TARS2: variants seen among roughly 807,000 people sequenced by gnomAD.
TARS2 encodes the protein threonyl-tRNA synthetase 2, mitochondrial, also known as threonine--tRNA ligase, mitochondrial.
In TARS2, 61 loss-of-function variants were observed where a neutral mutation model predicts 94.4. The observed-to-expected ratio is 0.65, with a 90% CI of 0.53 to 0.80. TARS2 has a LOEUF of 0.80. Ranked by LOEUF, TARS2 falls within the 30% of genes least tolerant of loss-of-function variation. TARS2 has a pLI of 0.00. For missense variants in TARS2, 704 were observed against 902.5 expected (o/e 0.78, Z 2.82); for synonymous variants, 359 against 353.4 (o/e 1.02, Z -0.18).
intron 13 of TARS2, among the ~76,000 whole-genome samples, chr1:150,502,561 T>C (rs1047315026): frequency 1.3e-5 from 2 of 151,640 alleles, no homozygotes; most frequent in Admixed American, 1.3e-4. Flanking sequence ...ATTTTTGTAT[T>C]CCCTTTTTTA....
chr1:150,494,821 A>G (rs1669580077), intron 7 of TARS2, among the ~76,000 whole-genome samples: 1 of 152,100 alleles, frequency 6.6e-6, no homozygotes, highest in Non-Finnish European at 1.5e-5. Flanking sequence ...GTGAATCACG[A>G]GGTCCAGAGA....
At chr1:150,502,220 T>C (rs1324145889) in intron 13 of TARS2, among the ~76,000 whole-genome samples, 1 of 122,332 alleles carries the variant, frequency 8.2e-6, no homozygotes, top group Non-Finnish European at 1.8e-5. Context: ...CCAGCGTTTT[T>C]TTCGTTTTTG....
chr1:150,488,787 C>T (rs1253644814), intron 2 of TARS2, among the ~76,000 whole-genome samples, 177 bp from the exon 3 acceptor site: 1 of 152,150 alleles, frequency 6.6e-6, no homozygotes, highest in African/African-American at 2.4e-5. Flanking sequence ...ACCCATTAGC[C>T]AACCTCTTCA....
chr1:150,496,729 A>G (rs1570850093), intron 8 of TARS2, 81 bp from the exon 9 acceptor site: 1 of 1,606,096 alleles, frequency 6.2e-7, no homozygotes, highest in East Asian at 2.2e-5. Context: ...ACACAGACTG[A>G]GCAGCTCCGT....
At chr1:150,495,968 C>A (rs1403570803) in intron 7 of TARS2, among the ~76,000 whole-genome samples, 2 of 152,076 alleles carry the variant, frequency 1.3e-5, no homozygotes, top group African/African-American at 4.8e-5. Context: ...GATCCGCCCG[C>A]CTCGGCCTCC....
chr1:150,487,452 TG>T lies in TARS2; in HGVS notation c.4del (p.Ala2?). 1.2e-6 allele frequency: 2 copies of T among 1,614,208 alleles called. No homozygotes were observed. The highest frequency in any genetic ancestry group is 1.7e-6 in the Non-Finnish European group (2 of 1,180,046). On this transcript the variant is annotated frameshift_variant and start_lost, in exon 1 of 18. Coordinates refer to ENST00000369064, the MANE Select transcript of TARS2 (RefSeq NM_025150.5). LOFTEE classifies it high-confidence loss of function. [M>X]ALYQRWRCLR... Reference sequence around the variant, plus strand: ...ATGTAGGCACTGGTGTGAAGGAACATGGCCCTGTATCAGAGGTGGCGGTGTC... The same window carrying T: ...ATGTAGGCACTGGTGTGAAGGAACATGCCCTGTATCAGAGGTGGCGGTGTC...
chr1:150,498,989 A>T lies in TARS2; in HGVS notation c.1494A>T (p.Pro498=). 2 of 1,614,180 alleles carry T rather than the reference A, an allele frequency of 1.2e-6. No individual in the cohort carries two copies. Among genetic ancestry groups the T allele is most frequent in the Non-Finnish European group, 1.7e-6 (2 of 1,180,034 alleles). The change falls in exon 12 of 18, where the codon CCA becomes CCT. Residue 498 remains proline, a synonymous_variant. Transcript: ENST00000369064. ...TCCGCCTGGCACTGTCCACCCGGCCATCTGGCTTCCTGGGGGACCCTTGCC... is the reference window on the plus strand; with the variant it reads ...TCCGCCTGGCACTGTCCACCCGGCCTTCTGGCTTCCTGGGGGACCCTTGCC... ...FSFRLALSTR[P]SGFLGDPCLW...
At position 150,491,419 on chromosome 1, in the gene TARS2, G is replaced by T; in HGVS notation, c.538G>T (p.Val180Phe). Reference sequence around the variant, plus strand: ...GACAATCCGGGGCTCAGAGCTGCCTGTTTTGGAGCGGATTTGCCAGGAACT... The same window carrying T: ...GACAATCCGGGGCTCAGAGCTGCCTTTTTTGGAGCGGATTTGCCAGGAACT... ...ERTIRGSELP[V>F]LERICQELTA... The change falls in exon 5 of 18, where the codon GTT becomes TTT. Residue 180 changes from valine (V) to phenylalanine (F), a missense_variant. Physicochemically the swap from Val to Phe is conservative, Grantham distance 50. Around this residue, in one of 3 missense-constraint regions of TARS2, gnomAD observed 208 missense variants for 228.5 expected, o/e 0.91. Transcript: ENST00000369064. 6.2e-7 allele frequency: 1 copy of T among 1,613,340 alleles called. No homozygotes were observed. The highest frequency in any genetic ancestry group is 1.3e-5 in the African/African-American group (1 of 75,030).
In TARS2 at chr1:150,487,847, T is replaced by G; in HGVS notation, c.67-11T>G. 1 of 1,610,082 alleles carries G rather than the reference T, an allele frequency of 6.2e-7. No individual in the cohort carries two copies. Among genetic ancestry groups the G allele is most frequent in the African/African-American group, 1.3e-5 (1 of 74,858 alleles). ...GACGTGTGTTACCTGCTAATATATC[T>G]TTCCCTCCAGGCAGTTGTGTCGACC... On this transcript the variant is annotated splice_polypyrimidine_tract_variant and intron_variant, in intron 1 of 17. Transcript: ENST00000369064.
At position 150,505,817 on chromosome 1, in the gene TARS2, C is replaced by T. The variant is rs1468477468; in HGVS notation, c.2008+112C>T. On this transcript the variant is annotated intron_variant, in intron 17 of 17. Coordinates refer to ENST00000369064, the MANE Select transcript of TARS2 (RefSeq NM_025150.5). Reference sequence around the variant, plus strand: ...GGTTAATTGGGGCTCATTACCTGAGCAGGTAGGAGCCAGGATTCAGGACAC... The same window carrying T: ...GGTTAATTGGGGCTCATTACCTGAGTAGGTAGGAGCCAGGATTCAGGACAC... The T allele has an allele frequency of 5.3e-6, 5 of 951,722 alleles. No individual in the cohort carries two copies. In the East Asian group the frequency reaches 1.3e-4, roughly 25 times the overall value. 59.0% of individuals were successfully genotyped at this position (951,722 alleles called of 1,614,324 possible).
intron 13 of TARS2, among the ~76,000 whole-genome samples, chr1:150,499,687 T>G (rs1669825443): frequency 6.6e-6 from 1 of 152,034 alleles, no homozygotes; most frequent in African/African-American, 2.4e-5. Context: ...TTTTTAAACT[T>G]ACGTAGGATA....
Position 150,498,619 on chromosome 1 carries a change from G to T in TARS2, c.1356G>T (p.Arg452=). 2 of 1,612,680 alleles carry T rather than the reference G, an allele frequency of 1.2e-6. No homozygotes were observed. Residue 452 remains arginine (R), a synonymous_variant, in exon 11 of 18, where the codon CGG becomes CGT. Transcript: ENST00000369064. ...SGGLGGLTRL[R]CFQQDDAHIF... The stretch of plus-strand genomic sequence containing the variant: ...GTCTGGGGGGACTGACCCGACTGCG[G>T]TGCTTCCAGCAGGATGACGCTCACA...
chr1:150,498,441 G>A, intron 10 of TARS2, 61 bp from the exon 11 acceptor site: 1 of 1,502,776 alleles, frequency 6.7e-7, no homozygotes, highest in Non-Finnish European at 8.8e-7. Flanking sequence ...ATTGGGTGGA[G>A]GAGCAGTCTT....
rs149175704 is a variant in TARS2, at chr1:150,506,429, G to A, written c.2009-487G>A. ...TGGGGGGAGGCGGGGCAGTGTGAAGGCCACACCACTCCTGCCACCTTCCAC... is the reference window on the plus strand; with the variant it reads ...TGGGGGGAGGCGGGGCAGTGTGAAGACCACACCACTCCTGCCACCTTCCAC... On this transcript the variant is annotated intron_variant, in intron 17 of 17. Coordinates refer to ENST00000369064, the MANE Select transcript of TARS2 (RefSeq NM_025150.5). 4.7e-3 allele frequency among the ~76,000 whole-genome samples: 717 copies of A among 151,294 alleles called. 5 individuals carry two copies. The highest frequency in any genetic ancestry group is 0.016 in the African/African-American group (678 of 41,134).
At position 150,491,402 on chromosome 1, in the gene TARS2, G is replaced by C; in HGVS notation, c.521G>C (p.Arg174Pro). Residue 174 changes from arginine (R) to proline (P), a missense_variant, in exon 5 of 18, where the codon CGG (arginine) becomes CCG (proline). Transcript: ENST00000369064. ...DFFLGKERTI[R>P]GSELPVLERI... ...AATTCTCCTCTTTCCAGGACAATCC[G>C]GGGCTCAGAGCTGCCTGTTTTGGAG... The C allele has an allele frequency of 6.2e-7, 1 of 1,612,764 alleles. No individual in the cohort carries two copies. The highest frequency in any genetic ancestry group is 8.5e-7 in the Non-Finnish European group (1 of 1,180,030).
At position 150,504,612 on chromosome 1, in the gene TARS2, C is replaced by T. The variant is rs587730315; in HGVS notation, c.1719-20C>T. The T allele has an allele frequency of 6.2e-7, 1 of 1,610,354 alleles. No individual in the cohort carries two copies. Among genetic ancestry groups the T allele is most frequent in the Non-Finnish European group, 8.5e-7 (1 of 1,176,868 alleles). ...TGATACTTCCACCATTCCATCCACC[C>T]CCCCCTTTTTCCTTTCAAGGCAGGC... On this transcript the variant is annotated intron_variant, in intron 14 of 17. Transcript: ENST00000369064.
rs1303685929 is a variant in TARS2 at position 150,492,418 on chromosome 1, A to G, written c.703A>G (p.Thr235Ala). 1.2e-6 allele frequency: 2 copies of G among 1,614,022 alleles called. No individual in the cohort carries two copies. Among genetic ancestry groups the G allele is most frequent in the South Asian group, 2.2e-5 (2 of 91,080 alleles). Residue 235 changes from threonine to alanine, a missense_variant, in exon 7 of 18, where the codon ACA (threonine) becomes GCA (alanine). Thr to Ala is a moderately conservative substitution (Grantham distance 58, BLOSUM62 0). Transcript: ENST00000369064. ...GCCTCTTCTTTCTCCTAGGTGTGGC[A>G]CATTGGTTGACCTTTGCCAGGGCCC... ...GPTATVYGCG[T>A]LVDLCQGPHL...
At chr1:150,502,497 T>TGCCTCA (rs1399458399) in intron 13 of TARS2, among the ~76,000 whole-genome samples, 1 of 151,996 alleles carries the variant, frequency 6.6e-6, no homozygotes, top group African/African-American at 2.4e-5. Flanking sequence ...GCGATTCTCC[T>TGCCTCA]GCCTCAGCCT....
chr1:150,492,421 T>C lies in TARS2; in HGVS notation c.706T>C (p.Leu236=). ...TCTTCTTTCTCCTAGGTGTGGCACA[T>C]TGGTTGACCTTTGCCAGGGCCCCCA... The part of the protein sequence containing the change: ...PTATVYGCGT[L]VDLCQGPHLR... The change falls in exon 7 of 18, where the codon TTG becomes CTG. Residue 236 remains leucine, a synonymous_variant. Transcript: ENST00000369064. 1 of 1,613,964 alleles carries C rather than the reference T, an allele frequency of 6.2e-7. No individual in the cohort carries two copies. Among genetic ancestry groups the C allele is most frequent in the Non-Finnish European group, 8.5e-7 (1 of 1,179,902 alleles).
Sources: allele counts gnomAD v4.1 joint callset (sites outside exome capture counted in the v4.1 genomes callset), GRCh38; gene constraint gnomAD v4.1.1; regional missense constraint gnomAD v4.1.1; transcripts MANE v1.5; gene names NCBI Gene and HGNC (gene_info 2026-07-23, HGNC 2026-07-21).